Variants in ARHGAP24 observed in about 807,000 individuals in gnomAD.
The protein encoded by ARHGAP24 is rho GTPase-activating protein 24.
In ARHGAP24, 50 loss-of-function variants were observed where a neutral mutation model predicts 76.4. The ratio of observed to expected loss-of-function variants is 0.65; its 90% CI spans 0.52 to 0.83. The LOEUF is 0.83. Among genes scored for constraint, ARHGAP24 ranks in the 40% least tolerant of loss-of-function variants. The pLI is 0.00. For synonymous variants in ARHGAP24, 345 were observed against 323.3 expected, an observed-to-expected ratio of 1.07 and a Z score of -0.72; for missense variants, 930 against 914.2, an observed-to-expected ratio of 1.02 and a Z score of -0.22.
chr4:85,999,496 T>C (rs541047661), intron 9 of ARHGAP24, among the ~76,000 whole-genome samples: 1 of 152,332 alleles, frequency 6.6e-6, no homozygotes, highest in East Asian at 1.9e-4. Flanking sequence ...TAAAAACTGT[T>C]ATTAAAATAA....
intron 3 of ARHGAP24, among the ~76,000 whole-genome samples, chr4:85,787,549 G>A (rs1200409249): frequency 6.6e-6 from 1 of 152,112 alleles, no homozygotes; most frequent in African/African-American, 2.4e-5. Context: ...TTTTTTGTTT[G>A]TAACAGCTTT....
At chr4:85,726,504 T>G (rs343856) in intron 3 of ARHGAP24, among the ~76,000 whole-genome samples, 79,161 of 152,044 alleles carry the variant, frequency 0.52, 23,609 homozygotes, top group Non-Finnish European at 0.69. Flanking sequence ...CCTCTCAAGT[T>G]TGCTTCAAAC....
At chr4:85,629,720 G>C (rs1721098793) in intron 2 of ARHGAP24, among the ~76,000 whole-genome samples, 1 of 152,124 alleles carries the variant, frequency 6.6e-6, no homozygotes, top group African/African-American at 2.4e-5. Context: ...ATCTGATCAG[G>C]TTTCCTTGAA....
intron 2 of ARHGAP24, among the ~76,000 whole-genome samples, chr4:85,607,223 A>C (rs1301516845): frequency 6.6e-6 from 1 of 152,204 alleles, no homozygotes; most frequent in Non-Finnish European, 1.5e-5. Context: ...CCTAAACTGA[A>C]TTAATGAGAT....
intron 3 of ARHGAP24, among the ~76,000 whole-genome samples, chr4:85,746,422 C>T (rs368782503): frequency 4.6e-5 from 7 of 152,166 alleles, no homozygotes; most frequent in African/African-American, 1.7e-4. Context: ...CTCAAAATAA[C>T]CAACTCCAAA....
intron 2 of ARHGAP24, among the ~76,000 whole-genome samples, chr4:85,626,875 T>G (rs996829117): frequency 6.6e-6 from 1 of 152,256 alleles, no homozygotes; most frequent in Non-Finnish European, 1.5e-5. Flanking sequence ...CATCGGCTAC[T>G]GAGGCTTCTG....
In ARHGAP24 at chr4:85,567,444, G is replaced by A. The variant is rs191136084; in HGVS notation, c.-20-3078G>A. Among the ~76,000 whole-genome samples, 12 of 152,308 alleles carry A rather than the reference G, an allele frequency of 7.9e-5. No homozygotes were observed. The East Asian group carries it at 2.3e-3, about 29-fold the overall frequency. ...GATATCCGGGGTGAGGAAGAGTTAT[G>A]AATCAAATGATCAGTTTTCTGTATA... On this transcript the variant is annotated intron_variant, in intron 1 of 9. Coordinates refer to ENST00000395184, the MANE Select transcript of ARHGAP24 (RefSeq NM_001025616.3).
At chr4:85,755,649 TTG>T (rs1726462617) in intron 3 of ARHGAP24, among the ~76,000 whole-genome samples, 1 of 143,020 alleles carries the variant, frequency 7.0e-6, no homozygotes, top group East Asian at 2.0e-4. Flanking sequence ...TTGTTTTGTT[TTG>T]AGACGGAGTC....
chr4:85,734,951 T>G (rs1578183121), intron 3 of ARHGAP24, among the ~76,000 whole-genome samples: 1 of 152,156 alleles, frequency 6.6e-6, no homozygotes, highest in East Asian at 1.9e-4. Context: ...TTAATGGATA[T>G]TCCCCTAATT....
At chr4:85,683,107 T>TGGGG (rs1310671945) in intron 2 of ARHGAP24, among the ~76,000 whole-genome samples, 20 of 12,836 alleles carry the variant, frequency 1.6e-3, no homozygotes, top group East Asian at 3.3e-3. Flanking sequence ...TCTCTCAGTG[T>TGGGG]GTGGGGGGGT....
intron 1 of ARHGAP24, among the ~76,000 whole-genome samples, chr4:85,569,619 C>T (rs928041387): frequency 6.6e-6 from 1 of 152,172 alleles, no homozygotes; most frequent in Admixed American, 6.5e-5. Context: ...ACACCACACC[C>T]TCCTGAAGCT....
At chr4:85,756,059 A>G (rs1726479332) in intron 3 of ARHGAP24, among the ~76,000 whole-genome samples, 1 of 152,196 alleles carries the variant, frequency 6.6e-6, no homozygotes. Context: ...AGATGATACA[A>G]TACATTGATC....
rs566501373 is a variant in ARHGAP24 at position 85,972,402 on chromosome 4, G to A, written c.732+234G>A. 6.7e-4 allele frequency: 356 copies of A among 531,970 alleles called. 5 individuals carry two copies. The highest frequency in any genetic ancestry group is 3.9e-3 in the South Asian group (191 of 48,444). The allele number at this position is 531,970 out of a possible 1,614,324, so 33.0% of individuals were successfully genotyped here. ...ATAAATTAAATCAGCACGACTTGCCGCTTTCTTTCCCTAAATGATAAATGC... is the reference window on the plus strand; with the variant it reads ...ATAAATTAAATCAGCACGACTTGCCACTTTCTTTCCCTAAATGATAAATGC... On this transcript the variant is annotated intron_variant, in intron 6 of 9. Transcript: ENST00000395184.
chr4:85,760,752 T>G (rs1018487388), intron 3 of ARHGAP24, among the ~76,000 whole-genome samples: 6 of 152,184 alleles, frequency 3.9e-5, no homozygotes, highest in Non-Finnish European at 8.8e-5. Flanking sequence ...GCCCGGAGCT[T>G]GGAAGAGTTC....
chr4:85,640,905 T>TTGGCACCTATAC (rs1721495744), intron 2 of ARHGAP24, among the ~76,000 whole-genome samples: 2 of 151,774 alleles, frequency 1.3e-5, no homozygotes, highest in Admixed American at 6.6e-5. Flanking sequence ...AAAACAATTT[T>TTGGCACCTATAC]TTGGATACAA....
intron 1 of ARHGAP24, among the ~76,000 whole-genome samples, chr4:85,498,508 C>T (rs1422550605): frequency 6.6e-6 from 1 of 152,232 alleles, no homozygotes; most frequent in Non-Finnish European, 1.5e-5. Flanking sequence ...GTGAGCTCAG[C>T]CTCGTGCTGA....
intron 3 of ARHGAP24, among the ~76,000 whole-genome samples, chr4:85,733,400 T>A (rs1370742030): frequency 6.6e-6 from 1 of 152,048 alleles, no homozygotes; most frequent in African/African-American, 2.4e-5. Context: ...CCCTAAACTG[T>A]TATTATGAAG....
At chr4:85,791,863 T>C (rs1249796632) in intron 3 of ARHGAP24, among the ~76,000 whole-genome samples, 1 of 152,196 alleles carries the variant, frequency 6.6e-6, no homozygotes, top group Non-Finnish European at 1.5e-5. Flanking sequence ...AATGGGAATT[T>C]CCCAAGTAAA....
chr4:85,977,801 C>A, intron 8 of ARHGAP24, 110 bp downstream of exon 8: 3 of 1,293,656 alleles, frequency 2.3e-6, no homozygotes, highest in Non-Finnish European at 3.3e-6. Flanking sequence ...GAATACATGG[C>A]AACTCCGTTT....
Sources: allele counts gnomAD v4.1 joint callset (sites outside exome capture counted in the v4.1 genomes callset), GRCh38; gene constraint gnomAD v4.1.1; transcripts MANE v1.5; gene names NCBI Gene and HGNC (gene_info 2026-07-23, HGNC 2026-07-21).